Variants in CFAP52 observed in about 807,000 individuals in gnomAD.
The protein encoded by CFAP52 is cilia and flagella associated protein 52.
CFAP52 carries 57 observed loss-of-function variants against 70.5 expected under a neutral mutation model. The ratio of observed to expected loss-of-function variants is 0.81; its 90% CI spans 0.65 to 1.01. CFAP52 has a LOEUF of 1.01. Among genes scored for constraint, CFAP52 ranks in the 50% least tolerant of loss-of-function variants. The pLI is 0.00. For synonymous variants in CFAP52, 267 were observed against 292.5 expected (o/e 0.91, Z 0.89); for missense variants, 785 against 788.5 (o/e 1.00, Z 0.05).
At chr17:9,642,957 T>A in intron 13 of CFAP52, 66 bp from the exon 14 acceptor site, 6 of 1,337,298 alleles carry the variant, frequency 4.5e-6, no homozygotes, top group Non-Finnish European at 5.9e-6. Context: ...ATCCAGTTAT[T>A]TGAAATCAGG....
chr17:9,598,468 G>A, intron 5 of CFAP52, 135 bp downstream of exon 5: 1 of 658,746 alleles, frequency 1.5e-6, no homozygotes, highest in East Asian at 2.9e-5. Context: ...GTTGATTGAA[G>A]AAGCTCACTT....
At chr17:9,630,682 G>A (rs190310727) in intron 9 of CFAP52, among the ~76,000 whole-genome samples, 1,876 of 151,136 alleles carry the variant, frequency 0.012, 18 homozygotes, top group Non-Finnish European at 0.021. Context: ...CGCCCGCCTC[G>A]GTCTCCCAAA....
chr17:9,606,216 T>A (rs1354051542), intron 6 of CFAP52, among the ~76,000 whole-genome samples: 3 of 152,070 alleles, frequency 2.0e-5, no homozygotes, highest in Non-Finnish European at 4.4e-5. Context: ...ACCCTATTTC[T>A]GTGAAAAGTT....
chr17:9,622,551 A>AG (rs1910080933), intron 8 of CFAP52, among the ~76,000 whole-genome samples: 5 of 151,596 alleles, frequency 3.3e-5, no homozygotes, highest in African/African-American at 1.2e-4. Context: ...TATTAAAAAA[A>AG]AAAGAAGAAG....
At chr17:9,633,195 T>A (rs1910632029) in intron 10 of CFAP52, among the ~76,000 whole-genome samples, 162 bp downstream of exon 10, 1 of 152,212 alleles carries the variant, frequency 6.6e-6, no homozygotes, top group South Asian at 2.1e-4. Context: ...ATAAAAGTTC[T>A]AATATTATAA....
chr17:9,579,148 T>G (rs1431898326), intron 1 of CFAP52, among the ~76,000 whole-genome samples: 1 of 152,096 alleles, frequency 6.6e-6, no homozygotes, highest in Non-Finnish European at 1.5e-5. Context: ...CAAAAGTGAT[T>G]GAGTTTTCTG....
chr17:9,633,215 T>A (rs561187444), intron 10 of CFAP52, among the ~76,000 whole-genome samples, 182 bp downstream of exon 10: 1 of 152,316 alleles, frequency 6.6e-6, no homozygotes, highest in South Asian at 2.1e-4. Context: ...AATGTATACT[T>A]ATTTTGAAAT....
chr17:9,645,509 G>C (rs1911299951), downstream of CFAP52: 1 of 967,646 alleles, frequency 1.0e-6, no homozygotes, highest in African/African-American at 1.7e-5. The surrounding 1 kb of genome is among the most constrained non-coding windows in gnomAD (Gnocchi z 6.8). Context: ...CCTCCGCCCC[G>C]TCCCCGCACA....
intron 9 of CFAP52, 69 bp from the exon 10 acceptor site, chr17:9,632,819 G>A (rs1420024040): frequency 6.4e-7 from 1 of 1,564,974 alleles, no homozygotes. Flanking sequence ...TCCTTAGTGA[G>A]GCCAGCAGAC....
chr17:9,624,689 A>T (rs1315769249), intron 8 of CFAP52, among the ~76,000 whole-genome samples: 3 of 151,324 alleles, frequency 2.0e-5, no homozygotes, highest in Non-Finnish European at 4.4e-5. Flanking sequence ...GTTGCTTCTG[A>T]CTCTGCCTTT....
In CFAP52 at chr17:9,638,666, T is replaced by A; in HGVS notation, c.1530T>A (p.Tyr510Ter). The A allele has an allele frequency of 6.2e-7, 1 of 1,614,174 alleles. No homozygotes were observed. Among genetic ancestry groups the A allele is most frequent in the South Asian group, 1.1e-5 (1 of 91,078 alleles). Residue 510 changes from tyrosine to a stop codon, truncating the protein, a stop_gained, in exon 12 of 14, where the codon TAT becomes TAA. Coordinates refer to ENST00000352665, the MANE Select transcript of CFAP52 (RefSeq NM_145054.5). LOFTEE classifies it high-confidence loss of function. ...LANTLFQCVC[Y>*]HPEEFQIITS... ...ACACCTTATTCCAGTGTGTGTGCTA[T>A]CACCCTGAGGAGTTCCAGATCATCA...
rs1395589992 is a variant in CFAP52 at position 9,631,073 on chromosome 17, A to G, written c.1175-1815A>G. Reference sequence around the variant, plus strand: ...GAGAGAGAAAGAAAGAAAGAAAGAAAGAAAGAAAGAGAAAGAAAGAAAGAG... The same window carrying G: ...GAGAGAGAAAGAAAGAAAGAAAGAAGGAAAGAAAGAGAAAGAAAGAAAGAG... On this transcript the variant is annotated intron_variant, in intron 9 of 13. Coordinates refer to ENST00000352665, the MANE Select transcript of CFAP52 (RefSeq NM_145054.5). Among the ~76,000 whole-genome samples, 135 of 136,068 alleles carry G rather than the reference A, an allele frequency of 9.9e-4. 8 individuals are homozygous for G. Among genetic ancestry groups the G allele is most frequent in the African/African-American group, 3.7e-3 (129 of 35,146 alleles). The allele number at this position is 136,068 out of a possible 152,430, so 89.3% of individuals were successfully genotyped here.
chr17:9,615,792 ATTC>A (rs1252133197), intron 8 of CFAP52, among the ~76,000 whole-genome samples: 42 of 88,338 alleles, frequency 4.8e-4, no homozygotes, highest in East Asian at 1.4e-3. Context: ...CAAAAAAAAA[ATTC>A]TTTTTTTTTT....
chr17:9,632,246 T>G (rs1299154779), intron 9 of CFAP52, among the ~76,000 whole-genome samples: 1 of 148,828 alleles, frequency 6.7e-6, no homozygotes, highest in Non-Finnish European at 1.5e-5. Context: ...CGAGGCAAGT[T>G]TTTTTTTGTT....
chr17:9,596,059 G>GTGTGTGTGTGTATATA (rs1555541607), intron 4 of CFAP52, among the ~76,000 whole-genome samples: 3 of 85,212 alleles, frequency 3.5e-5, no homozygotes, highest in Non-Finnish European at 4.7e-5. Flanking sequence ...ATATGTGTGT[G>GTGTGTGTGTGTATATA]TATATATATA....
In CFAP52 at chr17:9,638,816, A is replaced by G. The variant is rs866767451; in HGVS notation, c.1575+105A>G. The G allele has an allele frequency of 5.5e-6, 6 of 1,088,688 alleles. No individual in the cohort carries two copies. The Admixed American group carries it at 1.0e-4, about 18-fold the overall frequency. The allele number at this position is 1,088,688 out of a possible 1,614,324, so 67.4% of individuals were successfully genotyped here. Reference sequence around the variant, plus strand: ...CTGGAGTCAAACCACCTTGTTTCCAATGGTGGTCTGTCATCAATCAGCCAT... The same window carrying G: ...CTGGAGTCAAACCACCTTGTTTCCAGTGGTGGTCTGTCATCAATCAGCCAT... On this transcript the variant is annotated intron_variant, in intron 12 of 13. Coordinates refer to ENST00000352665, the MANE Select transcript of CFAP52 (RefSeq NM_145054.5).
intron 3 of CFAP52, chr17:9,589,801 C>CTTTTATT (rs1555540972): frequency 1.1e-5 from 1 of 93,186 alleles, no homozygotes; most frequent in South Asian, 4.0e-4. Flanking sequence ...CTTAGCTCAA[C>CTTTTATT]TTTTTTTTTT....
At chr17:9,636,496 T>C (rs1196955946) in intron 11 of CFAP52, among the ~76,000 whole-genome samples, 1 of 152,130 alleles carries the variant, frequency 6.6e-6, no homozygotes. Context: ...TCAAAGGATT[T>C]TTGAACAGTG....
chr17:9,635,283 A>G, intron 10 of CFAP52, 122 bp from the exon 11 acceptor site: 1 of 1,384,298 alleles, frequency 7.2e-7, no homozygotes, highest in South Asian at 1.4e-5. Flanking sequence ...AACCGAGACA[A>G]AGACAGGGAA....
Sources: gnomAD v4.1 joint callset for allele counts (sites outside exome capture counted in the v4.1 genomes callset) on GRCh38, gnomAD v4.1.1 for gene constraint, Gnocchi (gnomAD v3.1) non-coding constraint, MANE v1.5 for transcripts, NCBI Gene and HGNC (gene_info 2026-07-23, HGNC 2026-07-21) for gene names.